ASXL2: variants seen among roughly 807,000 people sequenced by gnomAD.
ASXL2 encodes the protein ASXL transcriptional regulator 2, also known as putative Polycomb group protein ASXL2.
In ASXL2, 23 loss-of-function variants were observed where a neutral mutation model predicts 122.0. The ratio of observed to expected loss-of-function variants is 0.19; its 90% confidence interval spans 0.14 to 0.27. The LOEUF (loss-of-function observed/expected upper bound fraction) is 0.27. Ranked by LOEUF, ASXL2 falls within the 10% of genes least tolerant of loss-of-function variation. ASXL2 has a pLI of 1.00. For missense variants in ASXL2, 1,518 were observed against 1,713.8 expected (o/e 0.89, Z 2.02); for synonymous variants, 650 against 637.0 (o/e 1.02, Z -0.31).
chr2:25,815,133 C>T (rs939668853), intron 3 of ASXL2, among the ~76,000 whole-genome samples: 2 of 152,192 alleles, frequency 1.3e-5, no homozygotes, highest in African/African-American at 4.8e-5. Context: ...CTATTCTCCA[C>T]TCTGAAGCCA....
chr2:25,740,866 G>A lies in ASXL2; in HGVS notation c.*1163C>T, dbSNP rs1233715260. ...GTATGTGTAAAGTAAGATATAATAA[G>A]ATGATGTCATCCTGTTCAGATGCCT... is the stretch of plus-strand genomic sequence containing the variant. On this transcript the variant is annotated 3_prime_UTR_variant, in exon 13 of 13. Transcript: ENST00000435504. 1 of 190,712 alleles carries A rather than the reference G, an allele frequency of 5.2e-6. No homozygotes were observed. The highest frequency in any genetic ancestry group is 2.3e-5 in the African/African-American group (1 of 43,012). 11.8% of individuals were successfully genotyped at this position (190,712 alleles called of 1,614,324 possible).
chr2:25,847,885 CACTAT>C (rs1448110042), intron 1 of ASXL2, among the ~76,000 whole-genome samples: 1 of 152,164 alleles, frequency 6.6e-6, no homozygotes, highest in African/African-American at 2.4e-5. Context: ...CAAAGATATT[CACTAT>C]ACTATTGTCC....
chr2:25,771,431 A>G lies in ASXL2; in HGVS notation c.504+9T>C. The G allele has an allele frequency of 6.2e-7, 1 of 1,602,122 alleles. No homozygotes were observed. Among genetic ancestry groups the G allele is most frequent in the Non-Finnish European group, 8.5e-7 (1 of 1,170,448 alleles). On this transcript the variant is annotated intron_variant, in intron 6 of 12. Coordinates refer to ENST00000435504, the MANE Select transcript of ASXL2 (RefSeq NM_018263.6). ...TTCTACTTGATAAATACAGACTAGC[A>G]ATGCTTACCTGCTTTAGTGCCTTCT...
chr2:25,751,415 C>G (rs2088043417), intron 11 of ASXL2, among the ~76,000 whole-genome samples: 1 of 152,112 alleles, frequency 6.6e-6, no homozygotes, highest in Admixed American at 6.6e-5. Flanking sequence ...GGGCAGATCG[C>G]TTGAGCACAG....
chr2:25,858,909 G>A lies in ASXL2; in HGVS notation c.58-13346C>T, dbSNP rs528940150. Among the ~76,000 whole-genome samples the A allele has an allele frequency of 1.0e-4, 15 of 149,798 alleles. No individual in the cohort carries two copies. The South Asian group carries it at 3.0e-3, about 30-fold the overall frequency. On this transcript the variant is annotated intron_variant, in intron 1 of 12. Coordinates refer to ENST00000435504, the MANE Select transcript of ASXL2 (RefSeq NM_018263.6). ...GCTCACTGGAACCTCCGTCTCCTGGGTTCAAGCAATTCTCCTGTCTCAGCC... is the reference window on the plus strand; with the variant it reads ...GCTCACTGGAACCTCCGTCTCCTGGATTCAAGCAATTCTCCTGTCTCAGCC...
intron 5 of ASXL2, among the ~76,000 whole-genome samples, chr2:25,772,908 A>C (rs1464231781): frequency 1.3e-5 from 2 of 152,110 alleles, no homozygotes; most frequent in East Asian, 3.9e-4. Context: ...ATAGCATCAA[A>C]CAATTAAGAT....
chr2:25,778,134 T>G (rs1175283105), intron 5 of ASXL2, among the ~76,000 whole-genome samples: 1 of 152,172 alleles, frequency 6.6e-6, no homozygotes, highest in Non-Finnish European at 1.5e-5. Context: ...CAAAAAGATA[T>G]GTCCACATTG....
intron 1 of ASXL2, chr2:25,856,441 G>C: frequency 1.2e-6 from 1 of 864,566 alleles, no homozygotes; most frequent in Admixed American, 1.9e-5. Context: ...GTCCAGTGGA[G>C]TCCTGGAGTC....
intron 5 of ASXL2, among the ~76,000 whole-genome samples, chr2:25,784,872 T>C (rs1270627464): frequency 1.3e-5 from 2 of 152,240 alleles, no homozygotes; most frequent in Non-Finnish European, 2.9e-5. Context: ...TACCAGAGGT[T>C]ATGATTTCAA....
chr2:25,744,103 G>A lies in ASXL2; in HGVS notation c.2234C>T (p.Pro745Leu), dbSNP rs2087898734. Residue 745 changes from proline (P) to leucine (L), a missense_variant, in exon 13 of 13, where the codon CCC becomes CTC. Transcript: ENST00000435504. This position sits in a 1 kb window ranked among gnomAD's most constrained non-coding sequence, Gnocchi z 4.7. The part of the protein sequence containing the change: ...GSRGGTRELL[P>L]CGPETQPQSE... ...CTGGGGCTGAGTCTCTGGACCACAG[G>A]GTAAAAGCTCTCTCGTACCTCCCCT... is the stretch of plus-strand genomic sequence containing the variant. The A allele has an allele frequency of 6.2e-7, 1 of 1,613,838 alleles. No individual in the cohort carries two copies. The highest frequency in any genetic ancestry group is 1.3e-5 in the African/African-American group (1 of 74,898).
rs773995056 is a variant in ASXL2 at position 25,771,509 on chromosome 2, T to C, written c.435A>G (p.Pro145=). 2 of 1,613,732 alleles carry C rather than the reference T, an allele frequency of 1.2e-6. No homozygotes were observed. Among genetic ancestry groups the C allele is most frequent in the Non-Finnish European group, 1.7e-6 (2 of 1,179,796 alleles). ...VSSSSPQSGC[P]SPTIPAGKVI... ...CTTTACCTGCTGGAATGGTGGGTGA[T>C]GGGCAGCCTGACTGCGGGGAGGACG... The change falls in exon 6 of 13, where the codon CCA becomes CCG. Residue 145 remains proline, a synonymous_variant. Transcript: ENST00000435504.
intron 9 of ASXL2, among the ~76,000 whole-genome samples, chr2:25,757,160 T>G (rs1257945885): frequency 6.6e-6 from 1 of 152,180 alleles, no homozygotes; most frequent in Non-Finnish European, 1.5e-5. Context: ...TGCTGGATAC[T>G]CCACACAGTC....
rs759220145 is a variant in ASXL2 at position 25,742,704 on chromosome 2, A to G, written c.3633T>C (p.Ser1211=). 1 of 1,613,904 alleles carries G rather than the reference A, an allele frequency of 6.2e-7. No homozygotes were observed. Among genetic ancestry groups the G allele is most frequent in the East Asian group, 2.2e-5 (1 of 44,886 alleles). The change falls in exon 13 of 13, where the codon AGT becomes AGC. Residue 1211 remains serine (S), a synonymous_variant. Coordinates refer to ENST00000435504, the MANE Select transcript of ASXL2 (RefSeq NM_018263.6). ...GAGTTTCCCTGCTGTGAGGTCCTGA[A>G]CTTGTGTCACCCTTGCCAGCACTCT... is the stretch of plus-strand genomic sequence containing the variant. ...VSQSAGKGDT[S]SGPHSRETLS...
chr2:25,835,179 C>T (rs2089494465), intron 3 of ASXL2, among the ~76,000 whole-genome samples: 1 of 152,170 alleles, frequency 6.6e-6, no homozygotes, highest in South Asian at 2.1e-4. Context: ...TTCAATCTTA[C>T]AGCCATAAAG....
At chr2:25,783,959 C>G (rs1308884871) in intron 5 of ASXL2, among the ~76,000 whole-genome samples, 1 of 151,906 alleles carries the variant, frequency 6.6e-6, no homozygotes, top group African/African-American at 2.4e-5. Flanking sequence ...GAGGCTGAGG[C>G]AGGAAAATTG....
intron 12 of ASXL2, among the ~76,000 whole-genome samples, chr2:25,746,748 C>G (rs888675847): frequency 1.3e-5 from 2 of 152,106 alleles, no homozygotes; most frequent in Non-Finnish European, 2.9e-5. Context: ...CAGTTACTTA[C>G]GTAAATAGCC....
intron 7 of ASXL2, among the ~76,000 whole-genome samples, chr2:25,768,218 T>A (rs559485927): frequency 1.3e-5 from 2 of 152,246 alleles, no homozygotes; most frequent in Non-Finnish European, 2.9e-5. Context: ...GATTTTAAGG[T>A]TGCTGATTAG....
intron 5 of ASXL2, among the ~76,000 whole-genome samples, chr2:25,782,143 C>T (rs534630277): frequency 3.3e-5 from 5 of 152,052 alleles, no homozygotes; most frequent in African/African-American, 1.2e-4. Context: ...TTGTGTTTGT[C>T]AGACGCAAAA....
intron 5 of ASXL2, among the ~76,000 whole-genome samples, chr2:25,789,523 T>G (rs2088798985): frequency 6.6e-6 from 1 of 152,090 alleles, no homozygotes; most frequent in African/African-American, 2.4e-5. Flanking sequence ...TTAATCTGGT[T>G]GATAGTTCAT....
Sources: gnomAD v4.1 joint callset for allele counts (sites outside exome capture counted in the v4.1 genomes callset) on GRCh38, gnomAD v4.1.1 for gene constraint, Gnocchi (gnomAD v3.1) non-coding constraint, MANE v1.5 for transcripts, NCBI Gene and HGNC (gene_info 2026-07-23, HGNC 2026-07-21) for gene names.